The following MAN1A1 variants were observed in gnomAD, a reference collection of about 807,000 sequenced individuals.
MAN1A1 encodes mannosidase alpha class 1A member 1.
Under a neutral mutation model 70.8 loss-of-function variants are expected in MAN1A1, and 29 were observed. The ratio of observed to expected loss-of-function variants is 0.41; its 90% CI spans 0.31 to 0.56. The LOEUF (loss-of-function observed/expected upper bound fraction) is 0.56, where lower values mean the gene tolerates loss of function less well. MAN1A1 is among the 20% of genes least tolerant of loss of function. MAN1A1 has a pLI of 0.29. For synonymous variants in MAN1A1, 349 were observed against 330.1 expected (o/e 1.06, Z -0.62); for missense variants, 747 against 841.3 (o/e 0.89, Z 1.39).
chr6:119,259,804 T>C (rs903152328), intron 5 of MAN1A1, among the ~76,000 whole-genome samples: 3 of 152,182 alleles, frequency 2.0e-5, no homozygotes, highest in Non-Finnish European at 2.9e-5. Context: ...TTTGTACACC[T>C]TGAAACTTAG....
intron 5 of MAN1A1, among the ~76,000 whole-genome samples, chr6:119,288,299 G>A (rs558047897): frequency 6.6e-6 from 1 of 151,956 alleles, no homozygotes; most frequent in South Asian, 2.1e-4. Context: ...AATTATGGTG[G>A]TTTAAAAGTC....
At chr6:119,260,108 G>C (rs539070974) in intron 5 of MAN1A1, among the ~76,000 whole-genome samples, 1 of 152,152 alleles carries the variant, frequency 6.6e-6, no homozygotes, top group South Asian at 2.1e-4. Flanking sequence ...ATTTTCTATA[G>C]AGGGTTAGAT....
chr6:119,245,961 A>G (rs1775157677), intron 6 of MAN1A1, among the ~76,000 whole-genome samples: 1 of 152,176 alleles, frequency 6.6e-6, no homozygotes, highest in Non-Finnish European at 1.5e-5. Context: ...ATACTAGAGG[A>G]TTTAGTAATT....
intron 11 of MAN1A1, among the ~76,000 whole-genome samples, chr6:119,183,901 G>A (rs868015974): frequency 3.9e-5 from 6 of 151,996 alleles, no homozygotes; most frequent in Non-Finnish European, 5.9e-5. Flanking sequence ...GGGGTTGTAC[G>A]TGAGAATAAA....
intron 6 of MAN1A1, among the ~76,000 whole-genome samples, chr6:119,219,241 A>G (rs1034865827): frequency 1.3e-5 from 2 of 150,820 alleles, no homozygotes; most frequent in African/African-American, 4.8e-5. Flanking sequence ...CATAAAGAGA[A>G]GGGAAAATCA....
At chr6:119,350,547 T>A (rs1773887414), upstream of MAN1A1, 1 of 985,270 alleles carries the variant, frequency 1.0e-6, no homozygotes, top group South Asian at 4.7e-5. Context: ...TTGGTCAAAT[T>A]TTCCATTCGA....
At position 119,303,664 on chromosome 6, in the gene MAN1A1, T is replaced by C. The variant is rs9387643; in HGVS notation, c.701-1561A>G. On this transcript the variant is annotated intron_variant, in intron 3 of 12. Transcript: ENST00000368468. ...GGCTAATCTTGTGACAGATCAAGCATGGAGACCCAGCTGCAAAACTTCAGA... is the reference window on the plus strand; with the variant it reads ...GGCTAATCTTGTGACAGATCAAGCACGGAGACCCAGCTGCAAAACTTCAGA... Among the ~76,000 whole-genome samples the C allele has an allele frequency of 8.4e-3, 1,277 of 152,276 alleles. 39 individuals carry two copies. Among genetic ancestry groups the C allele is most frequent in the Admixed American group, 0.059 (905 of 15,288 alleles).
chr6:119,226,531 A>G (rs1231721141), intron 6 of MAN1A1, among the ~76,000 whole-genome samples: 1 of 152,252 alleles, frequency 6.6e-6, no homozygotes, highest in Non-Finnish European at 1.5e-5. Context: ...ATGATATTTT[A>G]GACACATCTT....
chr6:119,274,083 C>T (rs9489649), intron 5 of MAN1A1, among the ~76,000 whole-genome samples: 6,268 of 152,226 alleles, frequency 0.041, 146 homozygotes, highest in African/African-American at 0.053. Flanking sequence ...TGAAAAACTC[C>T]TGAGAGATGC....
chr6:119,199,144 T>C (rs1380497053), intron 8 of MAN1A1, among the ~76,000 whole-genome samples: 3 of 152,206 alleles, frequency 2.0e-5, no homozygotes, highest in Non-Finnish European at 4.4e-5. Flanking sequence ...TTTGTTAATA[T>C]CATCATCAAT....
At chr6:119,265,469 G>A (rs977636244) in intron 5 of MAN1A1, among the ~76,000 whole-genome samples, 5 of 151,990 alleles carry the variant, frequency 3.3e-5, no homozygotes, top group African/African-American at 1.2e-4. Flanking sequence ...AATATTTCTT[G>A]ATGTCTAAAC....
intron 6 of MAN1A1, among the ~76,000 whole-genome samples, chr6:119,224,733 A>G (rs757920867): frequency 2.0e-5 from 3 of 152,222 alleles, no homozygotes; most frequent in Non-Finnish European, 4.4e-5. Context: ...GGATTTAGCA[A>G]TGACTTCAAA....
At chr6:119,226,449 T>C (rs1216361916) in intron 6 of MAN1A1, among the ~76,000 whole-genome samples, 2 of 152,138 alleles carry the variant, frequency 1.3e-5, no homozygotes, top group Non-Finnish European at 2.9e-5. Flanking sequence ...GGAAACATCA[T>C]TATTGTGGAC....
chr6:119,209,225 T>A (rs1234971219), intron 6 of MAN1A1, among the ~76,000 whole-genome samples: 1 of 152,184 alleles, frequency 6.6e-6, no homozygotes, highest in African/African-American at 2.4e-5. Flanking sequence ...TTCTAAAAAT[T>A]GCCAGATGAA....
rs755124974 is a variant in MAN1A1 at position 119,179,207 on chromosome 6, A to G, written c.*612T>C. The G allele has an allele frequency of 6.6e-6, 1 of 152,644 alleles. No homozygotes were observed. Among genetic ancestry groups the G allele is most frequent in the African/African-American group, 2.4e-5 (1 of 41,468 alleles). 9.5% of individuals were successfully genotyped at this position (152,644 alleles called of 1,614,324 possible). A position where few individuals can be genotyped will look rare whatever the true frequency, so the allele number is the denominator to read the frequency against. The stretch of plus-strand genomic sequence containing the variant: ...ACAAAAATATACTGCAGTTCCGATG[A>G]AATGAGGTCAACATGACATGATCCT... On this transcript the variant is annotated 3_prime_UTR_variant, in exon 13 of 13. Transcript: ENST00000368468.
intron 6 of MAN1A1, among the ~76,000 whole-genome samples, chr6:119,215,884 G>A (rs1774185836): frequency 6.6e-6 from 1 of 152,212 alleles, no homozygotes; most frequent in African/African-American, 2.4e-5. Context: ...TGATGTGATG[G>A]AGTCTGATGA....
intron 6 of MAN1A1, among the ~76,000 whole-genome samples, chr6:119,223,644 T>C (rs1486159594): frequency 6.6e-6 from 1 of 152,134 alleles, no homozygotes; most frequent in Non-Finnish European, 1.5e-5. Context: ...GAAAAGAGTT[T>C]GGATATCTAA....
intron 2 of MAN1A1, among the ~76,000 whole-genome samples, chr6:119,317,027 G>A (rs771293586): frequency 2.6e-5 from 4 of 151,270 alleles, no homozygotes; most frequent in Admixed American, 1.3e-4. Flanking sequence ...GAATTGTAGG[G>A]CACAAGTATT....
At chr6:119,251,176 TTCC>T (rs1775308110) in intron 5 of MAN1A1, among the ~76,000 whole-genome samples, 1 of 152,192 alleles carries the variant, frequency 6.6e-6, no homozygotes. Flanking sequence ...TTAATAATTT[TTCC>T]TCATTTCCAT....
Sources: allele counts gnomAD v4.1 joint callset (sites outside exome capture counted in the v4.1 genomes callset), GRCh38; gene constraint gnomAD v4.1.1; transcripts MANE v1.5; gene names NCBI Gene and HGNC (gene_info 2026-07-23, HGNC 2026-07-21).